CCDC40: variants seen among roughly 807,000 people sequenced by gnomAD.
CCDC40 encodes coiled-coil domain 40 molecular ruler complex subunit.
CCDC40 carries 104 observed loss-of-function variants against 124.5 expected under a neutral mutation model. That is an observed-to-expected ratio of 0.84 (90% CI 0.71 to 0.98). The LOEUF (loss-of-function observed/expected upper bound fraction) is 0.98, where lower values mean the gene tolerates loss of function less well. Ranked by LOEUF, CCDC40 falls within the 50% of genes least tolerant of loss-of-function variation. The pLI, the probability that CCDC40 is intolerant of heterozygous loss-of-function variation, is 0.00. For missense variants in CCDC40, 1,463 were observed against 1,503.9 expected (o/e 0.97, Z 0.45); for synonymous variants, 580 against 602.9 (o/e 0.96, Z 0.56).
rs766865670 is a variant in CCDC40, at chr17:80,048,689, A to G, written c.783A>G (p.Arg261=). ...PSTEEGAMAE[R]VESEGSDEEA... ...CCGAGGAGGGGGCCATGGCAGAGAG[A>G]GTGGAGTCCGAGGGGAGTGACGAGG... The change falls in exon 5 of 20, where the codon AGA becomes AGG. Residue 261 remains arginine, a synonymous_variant. Transcript: ENST00000397545. 1.2e-6 allele frequency: 2 copies of G among 1,613,978 alleles called. No homozygotes were observed. Among genetic ancestry groups the G allele is most frequent in the South Asian group, 2.2e-5 (2 of 91,072 alleles).
intron 10 of CCDC40, among the ~76,000 whole-genome samples, chr17:80,075,275 CT>C (rs71163915): frequency 0.33 from 35,412 of 107,228 alleles, 5,757 homozygotes; most frequent in African/African-American, 0.39. Flanking sequence ...CAAAATATTA[CT>C]TTTTTTTTTT....
rs1312951494 is a variant in CCDC40 at position 80,048,569 on chromosome 17, G to A, written c.677-14G>A. On this transcript the variant is annotated splice_polypyrimidine_tract_variant and intron_variant, in intron 4 of 19. Coordinates refer to ENST00000397545, the MANE Select transcript of CCDC40 (RefSeq NM_017950.4). ...CCAGCAGCTCCTCAATGGTGTCGCT[G>A]TCTCTCCCCCCAGTGATCCCCCCAG... 1 of 1,609,872 alleles carries A rather than the reference G, an allele frequency of 6.2e-7. No individual in the cohort carries two copies. The highest frequency in any genetic ancestry group is 8.5e-7 in the Non-Finnish European group (1 of 1,177,254).
chr17:80,049,911 G>A lies in CCDC40; in HGVS notation c.861G>A (p.Leu287=), dbSNP rs767989409. 1 of 1,614,040 alleles carries A rather than the reference G, an allele frequency of 6.2e-7. No individual in the cohort carries two copies. Among genetic ancestry groups the A allele is most frequent in the Admixed American group, 1.7e-5 (1 of 60,008 alleles). Residue 287 remains leucine (L), a synonymous_variant, in exon 6 of 20, where the codon CTG becomes CTA. Coordinates refer to ENST00000397545, the MANE Select transcript of CCDC40 (RefSeq NM_017950.4). ...GTGGTTTTCCATTGTTCTAGCCCCT[G>A]ATGGTAAGATTCCAGGCTGCCCTGA... ...QLVVLDPDHP[L]MVRFQAALKN... is the part of the protein sequence containing the mutation.
rs142248358 is a variant in CCDC40 at position 80,039,612 on chromosome 17, A to G, written c.94-200A>G. Among the ~76,000 whole-genome samples the G allele has an allele frequency of 0.044, 6,702 of 151,928 alleles. 480 individuals carry two copies. Among genetic ancestry groups the G allele is most frequent in the African/African-American group, 0.15 (6,189 of 41,440 alleles). Reference sequence around the variant, plus strand: ...TTTTTAGTAGAGACGGGGTTTCACCATGTTGGTCAGGATGGTCTCAATCTC... The same window carrying G: ...TTTTTAGTAGAGACGGGGTTTCACCGTGTTGGTCAGGATGGTCTCAATCTC... On this transcript the variant is annotated intron_variant, in intron 2 of 19. Transcript: ENST00000397545.
chr17:80,063,686 T>C (rs1047401443), intron 9 of CCDC40, among the ~76,000 whole-genome samples: 11 of 152,120 alleles, frequency 7.2e-5, no homozygotes, highest in African/African-American at 2.4e-4. Context: ...GTGCATCCAA[T>C]AGACACCTGC....
chr17:80,043,074 A>C (rs2037322839), intron 3 of CCDC40, among the ~76,000 whole-genome samples: 1 of 152,122 alleles, frequency 6.6e-6, no homozygotes, highest in Non-Finnish European at 1.5e-5. Flanking sequence ...CTCTTGGTTT[A>C]TTTATATTCT....
In CCDC40 at chr17:80,100,048, G is replaced by T. The variant is rs991776904; in HGVS notation, c.*273G>T. ...CCACACACCCACACTCCCACACTGG[G>T]CTTACTCGTCCAGGTAACACTTTGG... is the stretch of plus-strand genomic sequence containing the variant. On this transcript the variant is annotated 3_prime_UTR_variant, in exon 20 of 20. Transcript: ENST00000397545. 5 of 493,816 alleles carry T rather than the reference G, an allele frequency of 1.0e-5. No homozygotes were observed. The highest frequency in any genetic ancestry group is 1.8e-5 in the Non-Finnish European group (5 of 270,558). 30.6% of individuals were successfully genotyped at this position (493,816 alleles called of 1,614,324 possible).
rs1327723141 is a variant in CCDC40 at position 80,037,686 on chromosome 17, AAAAGATATACATAT to A, written c.30-435_30-422del. ...ATAGCTTGAATCTTTAATTTTTTAAAAAAGATATACATATATATATATATATATATATATTCCTG... is the reference window on the plus strand; with the variant it reads ...ATAGCTTGAATCTTTAATTTTTTAAAATATATATATATATATATATTCCTG... On this transcript the variant is annotated intron_variant, in intron 1 of 19. Transcript: ENST00000397545. 3.0e-4 allele frequency among the ~76,000 whole-genome samples: 8 copies of A among 26,304 alleles called. 1 individual carries two copies. The highest frequency in any genetic ancestry group is 6.9e-4 in the Non-Finnish European group (8 of 11,610). The allele number at this position is 26,304 out of a possible 152,430, so 17.3% of individuals were successfully genotyped here.
At position 80,099,251 on chromosome 17, in the gene CCDC40, G is replaced by A. The variant is rs530340454; in HGVS notation, c.3181-276G>A. Among the ~76,000 whole-genome samples, 47 of 151,566 alleles carry A rather than the reference G, an allele frequency of 3.1e-4. No homozygotes were observed. In the East Asian group the frequency reaches 6.2e-3, roughly 20 times the overall value. ...GCTTGCAGTGAGCCGAGATCGCACC[G>A]CTGCACTCCAGCCTGGGCGACAGAG... On this transcript the variant is annotated intron_variant, in intron 19 of 19. Transcript: ENST00000397545.
At chr17:80,040,355 T>C in intron 3 of CCDC40, 85 bp downstream of exon 3, 2 of 1,270,232 alleles carry the variant, frequency 1.6e-6, no homozygotes, top group Non-Finnish European at 1.1e-6. Context: ...GGGAATACAT[T>C]ATAAATACAA....
chr17:80,048,830 C>A, intron 5 of CCDC40, 69 bp downstream of exon 5: 3 of 1,356,270 alleles, frequency 2.2e-6, no homozygotes, highest in Non-Finnish European at 2.1e-6. Flanking sequence ...CCTTTCTCTG[C>A]CTGCACTGTC....
At chr17:80,076,256 G>C (rs1184797287) in intron 10 of CCDC40, among the ~76,000 whole-genome samples, 1 of 152,108 alleles carries the variant, frequency 6.6e-6, no homozygotes, top group Non-Finnish European at 1.5e-5. Flanking sequence ...GGATGTGGCA[G>C]GAAGAGTCAA....
chr17:80,085,576 C>T (rs1300332291), intron 13 of CCDC40, among the ~76,000 whole-genome samples: 1 of 152,142 alleles, frequency 6.6e-6, no homozygotes, highest in Non-Finnish European at 1.5e-5. Context: ...ACTTGAGCCC[C>T]TCGGCCTTCG....
In CCDC40 at chr17:80,040,218, G is replaced by A; in HGVS notation, c.500G>A (p.Gly167Asp). Residue 167 changes from glycine to aspartate, a missense_variant, in exon 3 of 20, where the codon GGC becomes GAC. Transcript: ENST00000397545. ...CCAGAGCCATCCCACGGAGTCTTAG[G>A]CCCGTCGGAGCAAATGGGCCAGGTC... ...TSPEPSHGVL[G>D]PSEQMGQVTS... 2 of 1,614,010 alleles carry A rather than the reference G, an allele frequency of 1.2e-6. No homozygotes were observed. The highest frequency in any genetic ancestry group is 1.7e-6 in the Non-Finnish European group (2 of 1,179,966).
At chr17:80,067,966 C>A in intron 10 of CCDC40, 1 of 1,110,584 alleles carries the variant, frequency 9.0e-7, no homozygotes, top group Non-Finnish European at 1.1e-6. Flanking sequence ...AGTGAGAGAG[C>A]CTCTGACTTC....
chr17:80,061,236 C>T (rs1568687260), intron 9 of CCDC40, among the ~76,000 whole-genome samples: 1 of 152,194 alleles, frequency 6.6e-6, no homozygotes. Context: ...ATGCCAGCTA[C>T]TTGGGAGGCT....
At position 80,086,110 on chromosome 17, in the gene CCDC40, G is replaced by T. The variant is rs2038581522; in HGVS notation, c.2343G>T (p.Gln781His). Residue 781 changes from glutamine (Q) to histidine (H), a missense_variant, in exon 14 of 20, where the codon CAG becomes CAT. Coordinates refer to ENST00000397545, the MANE Select transcript of CCDC40 (RefSeq NM_017950.4). The surrounding 1 kb of genome is among the most constrained non-coding windows in gnomAD (Gnocchi z 5.5). ...CCCAGGTGACCTGGCTGCGCCTGCA[G>T]CAGGAGATGGTCAAGGTGACACAGG... ...VQAQVTWLRL[Q>H]QEMVKVTQEQ... 1 of 1,614,096 alleles carries T rather than the reference G, an allele frequency of 6.2e-7. No individual in the cohort carries two copies. The highest frequency in any genetic ancestry group is 8.5e-7 in the Non-Finnish European group (1 of 1,180,050).
At position 80,039,805 on chromosome 17, in the gene CCDC40, T is replaced by A; in HGVS notation, c.94-7T>A. 6.2e-7 allele frequency: 1 copy of A among 1,613,214 alleles called. No homozygotes were observed. Among genetic ancestry groups the A allele is most frequent in the Non-Finnish European group, 8.5e-7 (1 of 1,179,306 alleles). On this transcript the variant is annotated splice_polypyrimidine_tract_variant and splice_region_variant and intron_variant, in intron 2 of 19. Coordinates refer to ENST00000397545, the MANE Select transcript of CCDC40 (RefSeq NM_017950.4). ...TTCCTGATTTTTTTCCTGCCACACC[T>A]TTACAGGTGTCACCACCAGAGAAGG...
chr17:80,050,226 G>A lies in CCDC40; in HGVS notation c.1102G>A (p.Ala368Thr), dbSNP rs2037548108. The A allele has an allele frequency of 1.9e-6, 3 of 1,602,314 alleles. No homozygotes were observed. The African/African-American group carries it at 4.0e-5, about 21-fold the overall frequency. Residue 368 changes from alanine (A) to threonine (T), a missense_variant, in exon 7 of 20, where the codon GCC (alanine) becomes ACC (threonine). Ala to Thr is a moderately conservative substitution (Grantham distance 58). Transcript: ENST00000397545. ...ERRQKEEELQ[A>T]ARALYTKTCA... ...CAGGCAGAAGGAGGAGGAGCTGCAG[G>A]CCGCCCGCGCTCTCTACACCAAGAC...
Sources: allele counts gnomAD v4.1 joint callset (sites outside exome capture counted in the v4.1 genomes callset), GRCh38; gene constraint gnomAD v4.1.1; non-coding constraint Gnocchi (gnomAD v3.1); transcripts MANE v1.5; gene names NCBI Gene and HGNC (gene_info 2026-07-23, HGNC 2026-07-21).